The following DIAPH3 variants were observed in gnomAD, a reference collection of about 807,000 sequenced individuals.
DIAPH3 encodes protein diaphanous homolog 3.
Under a neutral mutation model 144.3 loss-of-function variants are expected in DIAPH3, and 117 were observed. That is an observed-to-expected ratio of 0.81 (90% CI 0.70 to 0.95). DIAPH3 has a LOEUF of 0.95. DIAPH3 is among the 40% of genes least tolerant of loss of function. DIAPH3 has a pLI of 0.00. For synonymous variants in DIAPH3, 519 were observed against 488.9 expected (o/e 1.06, Z -0.81); for missense variants, 1,421 against 1,412.7 (o/e 1.01, Z -0.09).
At chr13:59,700,988 T>G (rs1488343790) in intron 27 of DIAPH3, among the ~76,000 whole-genome samples, 1 of 152,188 alleles carries the variant, frequency 6.6e-6, no homozygotes, top group Non-Finnish European at 1.5e-5. Context: ...AGGATATTCA[T>G]TTTTTATTTT....
At chr13:59,808,343 T>G (rs1297733315) in intron 25 of DIAPH3, among the ~76,000 whole-genome samples, 3 of 151,908 alleles carry the variant, frequency 2.0e-5, no homozygotes, top group Non-Finnish European at 4.4e-5. Flanking sequence ...AAACGCTTTT[T>G]AAAAGTCCAA....
chr13:60,043,788 G>A (rs973956374), intron 4 of DIAPH3, among the ~76,000 whole-genome samples: 4 of 152,178 alleles, frequency 2.6e-5, no homozygotes, highest in African/African-American at 9.7e-5. Flanking sequence ...TACATATGGG[G>A]AGAAACAGGC....
Position 60,084,953 on chromosome 13 carries a change from AT to A in DIAPH3, c.495+8674del, listed in dbSNP as rs200955854. ...AAGGTGATTGATTAGCCTATTAAGGATTTTTTTTTAAGTATGTATAGAATTT... is the reference window on the plus strand; with the variant it reads ...AAGGTGATTGATTAGCCTATTAAGGATTTTTTTTAAGTATGTATAGAATTT... On this transcript the variant is annotated intron_variant, in intron 4 of 27. Transcript: ENST00000400324. 7.0e-3 allele frequency among the ~76,000 whole-genome samples: 1,062 copies of A among 151,676 alleles called. 13 individuals carry two copies. The highest frequency in any genetic ancestry group is 0.014 in the Middle Eastern group (4 of 294).
intron 4 of DIAPH3, among the ~76,000 whole-genome samples, chr13:60,071,888 T>C (rs1235157808): frequency 1.3e-5 from 2 of 152,110 alleles, no homozygotes; most frequent in African/African-American, 4.8e-5. Context: ...TTCAATCTCT[T>C]TCTCCCTAGT....
intron 17 of DIAPH3, among the ~76,000 whole-genome samples, chr13:59,930,196 T>G (rs1280276490): frequency 1.3e-5 from 2 of 152,100 alleles, no homozygotes; most frequent in East Asian, 3.9e-4. Context: ...TGTCTTTCAT[T>G]CAGATAAAAA....
intron 18 of DIAPH3, among the ~76,000 whole-genome samples, chr13:59,918,112 C>T (rs1188317136): frequency 6.7e-6 from 1 of 150,234 alleles, no homozygotes; most frequent in East Asian, 2.0e-4. Flanking sequence ...AATCACAGTA[C>T]CTGGTATAGA....
At chr13:60,125,309 G>A (rs887741463) in intron 2 of DIAPH3, among the ~76,000 whole-genome samples, 1 of 151,404 alleles carries the variant, frequency 6.6e-6, no homozygotes, top group Non-Finnish European at 1.5e-5. Context: ...AAACTCCAGG[G>A]TTCAAGTGAT....
intron 17 of DIAPH3, among the ~76,000 whole-genome samples, chr13:59,936,172 T>C (rs1454789020): frequency 6.6e-6 from 1 of 152,148 alleles, no homozygotes; most frequent in African/African-American, 2.4e-5. Context: ...AATACCTTGT[T>C]AAAAAACTTA....
At position 59,962,672 on chromosome 13, in the gene DIAPH3, T is replaced by C. The variant is rs116961897; in HGVS notation, c.2074+7272A>G. The stretch of plus-strand genomic sequence containing the variant: ...CTGAGAATTTATCAGGTTTACACCA[T>C]GGTCTAAGGTTTTTCCCGCCCGGTC... On this transcript the variant is annotated intron_variant, in intron 17 of 27. Coordinates refer to ENST00000400324, the MANE Select transcript of DIAPH3 (RefSeq NM_001042517.2). Among the ~76,000 whole-genome samples, 1,393 of 152,164 alleles carry C rather than the reference T, an allele frequency of 9.2e-3. 7 individuals are homozygous for C. Among genetic ancestry groups the C allele is most frequent in the South Asian group, 0.022 (104 of 4,802 alleles).
At chr13:59,945,416 C>T (rs2048748371) in intron 17 of DIAPH3, among the ~76,000 whole-genome samples, 1 of 152,134 alleles carries the variant, frequency 6.6e-6, no homozygotes, top group African/African-American at 2.4e-5. Context: ...TAGGACAGTA[C>T]CTTTCATGGG....
intron 4 of DIAPH3, among the ~76,000 whole-genome samples, chr13:60,056,828 G>C (rs2056577871): frequency 6.6e-6 from 1 of 151,828 alleles, no homozygotes; most frequent in Non-Finnish European, 1.5e-5. Context: ...ACCATATGAA[G>C]TTTCCTTTTG....
At chr13:59,811,039 T>C (rs887398166) in intron 24 of DIAPH3, 116 bp from the exon 25 acceptor site, 2 of 975,610 alleles carry the variant, frequency 2.0e-6, no homozygotes, top group Non-Finnish European at 3.0e-6. Context: ...TAGATAATGG[T>C]GAGTTATGTT....
At chr13:59,856,952 T>G (rs190403712) in intron 22 of DIAPH3, among the ~76,000 whole-genome samples, 1 of 152,134 alleles carries the variant, frequency 6.6e-6, no homozygotes, top group African/African-American at 2.4e-5. Flanking sequence ...TACTCCTGAT[T>G]TGAAAGACCA....
At chr13:59,996,343 A>AT (rs1566631537) in intron 9 of DIAPH3, among the ~76,000 whole-genome samples, 1 of 152,122 alleles carries the variant, frequency 6.6e-6, no homozygotes, top group African/African-American at 2.4e-5. Flanking sequence ...AAAGACACTT[A>AT]TCTCTAGGTG....
chr13:59,886,959 C>T (rs2045493016), intron 20 of DIAPH3, among the ~76,000 whole-genome samples: 1 of 151,970 alleles, frequency 6.6e-6, no homozygotes. Flanking sequence ...AAATAGACAC[C>T]TTTACCAGGT....
intron 15 of DIAPH3, among the ~76,000 whole-genome samples, chr13:59,973,752 T>C (rs900897420): frequency 3.9e-5 from 6 of 152,136 alleles, no homozygotes; most frequent in African/African-American, 1.4e-4. Flanking sequence ...TGAAGAAATT[T>C]AGCTATGAAT....
intron 4 of DIAPH3, among the ~76,000 whole-genome samples, chr13:60,080,049 C>G (rs1456470641): frequency 6.6e-6 from 1 of 151,758 alleles, no homozygotes; most frequent in Non-Finnish European, 1.5e-5. Context: ...AAGTTAGAAG[C>G]AACAAAGCTA....
At chr13:59,924,667 A>T (rs553370115) in intron 18 of DIAPH3, 108 bp downstream of exon 18, 2 of 1,469,434 alleles carry the variant, frequency 1.4e-6, no homozygotes, top group East Asian at 5.1e-5. Flanking sequence ...CATGCATATA[A>T]TAACAAAATG....
rs553073173 is a variant in DIAPH3, at chr13:59,690,733, TTCA to T, written c.3320-23890_3320-23888del. The stretch of plus-strand genomic sequence containing the variant: ...AAGTAGAAGATTGTTGGTCAGACAT[TTCA>T]TGTGATTGGTTGCTTAATTCATGCA... On this transcript the variant is annotated intron_variant, in intron 27 of 27. Transcript: ENST00000400324. Among the ~76,000 whole-genome samples the T allele has an allele frequency of 8.5e-5, 13 of 152,266 alleles. No individual in the cohort carries two copies. In the East Asian group the frequency reaches 2.3e-3, roughly 27 times the overall value.
Sources: allele counts gnomAD v4.1 joint callset (sites outside exome capture counted in the v4.1 genomes callset), GRCh38; gene constraint gnomAD v4.1.1; transcripts MANE v1.5; gene names NCBI Gene and HGNC (gene_info 2026-07-23, HGNC 2026-07-21).